EPAS1: variants seen among roughly 807,000 people sequenced by gnomAD.
EPAS1 encodes endothelial PAS domain protein 1, also known as endothelial PAS domain-containing protein 1.
A neutral mutation model predicts 87.9 loss-of-function variants in EPAS1; 23 were observed. The observed-to-expected ratio is 0.26, with a 90% confidence interval of 0.19 to 0.37. The LOEUF is 0.37. EPAS1 is among the 10% of genes least tolerant of loss of function. EPAS1 has a pLI of 1.00. For missense variants in EPAS1, 1,138 were observed against 1,120.7 expected, an observed-to-expected ratio of 1.02 and a Z score of -0.22; for synonymous variants, 508 against 444.3, an observed-to-expected ratio of 1.14 and a Z score of -1.80.
chr2:46,325,126 A>G (rs1314867380), intron 1 of EPAS1, among the ~76,000 whole-genome samples: 1 of 152,262 alleles, frequency 6.6e-6, no homozygotes, highest in African/African-American at 2.4e-5. Context: ...TTCCCTGCTT[A>G]AAAAGCATGG....
intron 12 of EPAS1, 120 bp from the exon 13 acceptor site, chr2:46,381,476 T>G: frequency 1.3e-6 from 2 of 1,516,106 alleles, no homozygotes; most frequent in Non-Finnish European, 1.8e-6. Flanking sequence ...ACTCTGCCTT[T>G]TGGGTCTTTG....
In EPAS1 at chr2:46,382,504, C is replaced by T. The variant is rs755579146; in HGVS notation, c.2367C>T (p.Ile789=). 5.6e-5 allele frequency: 91 copies of T among 1,614,086 alleles called. No homozygotes were observed. Among genetic ancestry groups the T allele is most frequent in the Non-Finnish European group, 7.4e-5 (87 of 1,180,052 alleles). ...HLPLPQPPSA[I]SPGENSKSRF... is the part of the protein sequence containing the mutation. ...CGCTGCCACAGCCTCCATCTGCCAT[C>T]AGTCCCGGGGAGAACAGCAAGAGCA... Residue 789 remains isoleucine, a synonymous_variant, in exon 15 of 16, where the codon ATC becomes ATT. Coordinates refer to ENST00000263734, the MANE Select transcript of EPAS1 (RefSeq NM_001430.5).
chr2:46,344,421 A>G (rs1005302284), intron 1 of EPAS1, among the ~76,000 whole-genome samples: 21 of 152,208 alleles, frequency 1.4e-4, no homozygotes, highest in African/African-American at 5.1e-4. Flanking sequence ...TGTGTTGATG[A>G]TGCTTTTGTT....
intron 1 of EPAS1, among the ~76,000 whole-genome samples, chr2:46,304,486 CT>C (rs1406863298): frequency 6.6e-6 from 1 of 152,140 alleles, no homozygotes; most frequent in African/African-American, 2.4e-5. Flanking sequence ...TGACAACTGC[CT>C]TTGTTGTTTT....
At chr2:46,381,845 G>C in intron 13 of EPAS1, 123 bp downstream of exon 13, 3 of 1,550,790 alleles carry the variant, frequency 1.9e-6, no homozygotes, top group Non-Finnish European at 2.6e-6. Context: ...CAGGGCTGCT[G>C]AGAGGGGTGG....
intron 4 of EPAS1, among the ~76,000 whole-genome samples, chr2:46,358,032 C>A (rs950866570): frequency 1.3e-5 from 2 of 152,214 alleles, no homozygotes; most frequent in African/African-American, 4.8e-5. Flanking sequence ...TCTTTAACAA[C>A]CTCACCTGTC....
chr2:46,322,593 C>T (rs183900385), intron 1 of EPAS1, among the ~76,000 whole-genome samples: 1 of 152,266 alleles, frequency 6.6e-6, no homozygotes, highest in East Asian at 1.9e-4. Flanking sequence ...ATCCCTGGAC[C>T]ACACTATGAG....
chr2:46,334,671 C>T (rs944615419), intron 1 of EPAS1, among the ~76,000 whole-genome samples: 1 of 152,130 alleles, frequency 6.6e-6, no homozygotes, highest in Non-Finnish European at 1.5e-5. Flanking sequence ...TGCTCACAGC[C>T]CCATCGTAGG....
At chr2:46,356,911 C>G in intron 4 of EPAS1, 103 bp downstream of exon 4, 1 of 848,184 alleles carries the variant, frequency 1.2e-6, no homozygotes, top group Non-Finnish European at 2.0e-6. Context: ...CCTTGTGATG[C>G]AGGAAAAATG....
At position 46,297,678 on chromosome 2, in the gene EPAS1, G is replaced by A. The variant is rs917234719; in HGVS notation, c.-234G>A. The A allele has an allele frequency of 7.2e-6, 4 of 557,180 alleles. No individual in the cohort carries two copies. Among genetic ancestry groups the A allele is most frequent in the African/African-American group, 6.1e-5 (3 of 49,472 alleles). 34.5% of individuals were successfully genotyped at this position (557,180 alleles called of 1,614,324 possible). On this transcript the variant is annotated 5_prime_UTR_variant, in exon 1 of 16. Transcript: ENST00000263734. ...GACAGCCTCCACCCACTCCTTCCCC[G>A]GACCCCGCCTCCGCGCGCAGGTTCC... is the stretch of plus-strand genomic sequence containing the variant.
intron 2 of EPAS1, among the ~76,000 whole-genome samples, chr2:46,355,466 A>G (rs1179800899): frequency 6.6e-6 from 1 of 152,170 alleles, no homozygotes; most frequent in East Asian, 1.9e-4. Context: ...CCTTTGGACA[A>G]ATGGCTTAAC....
At chr2:46,312,918 A>G (rs1433287770) in intron 1 of EPAS1, among the ~76,000 whole-genome samples, 3 of 152,082 alleles carry the variant, frequency 2.0e-5, no homozygotes, top group Non-Finnish European at 4.4e-5. Flanking sequence ...GAGAATGGGA[A>G]TATCCCTTCA....
rs1684962208 is a variant in EPAS1, at chr2:46,384,330, C to CTGACCCACTGG, written c.2462-179_2462-178insTGACCCACTGG. On this transcript the variant is annotated intron_variant, in intron 15 of 15. Coordinates refer to ENST00000263734, the MANE Select transcript of EPAS1 (RefSeq NM_001430.5). ...TTGGGTCTCAGCACCCCACCTGAGG[C>CTGACCCACTGG]AGTGGTTCTGGAGGCAGACACGTTC... 4 of 855,504 alleles carry CTGACCCACTGG rather than the reference C, an allele frequency of 4.7e-6. No homozygotes were observed. In the South Asian group the frequency reaches 5.6e-5, roughly 12 times the overall value. 53.0% of individuals were successfully genotyped at this position (855,504 alleles called of 1,614,324 possible).
chr2:46,351,508 C>T (rs376520485), intron 2 of EPAS1, among the ~76,000 whole-genome samples: 3 of 152,114 alleles, frequency 2.0e-5, no homozygotes, highest in Admixed American at 6.6e-5. Context: ...TAAGCGATCC[C>T]AGAGTGATTT....
intron 1 of EPAS1, among the ~76,000 whole-genome samples, chr2:46,319,712 G>A (rs928461126): frequency 1.3e-5 from 2 of 152,062 alleles, no homozygotes; most frequent in African/African-American, 2.4e-5. Flanking sequence ...AGGTGCCTGC[G>A]GTATTTGCTT....
intron 1 of EPAS1, among the ~76,000 whole-genome samples, chr2:46,314,032 A>G (rs376705758): frequency 3.9e-5 from 6 of 152,132 alleles, no homozygotes; most frequent in African/African-American, 1.4e-4. Flanking sequence ...TTTTTGTCAT[A>G]TAGATGAAAC....
chr2:46,338,272 A>G (rs1473310799), intron 1 of EPAS1, among the ~76,000 whole-genome samples: 1 of 152,210 alleles, frequency 6.6e-6, no homozygotes, highest in African/African-American at 2.4e-5. Flanking sequence ...AGATTGATTC[A>G]GGATTAAACA....
rs200557291 is a variant in EPAS1, at chr2:46,332,330, G to GTA, written c.27-14542_27-14541insAT. On this transcript the variant is annotated intron_variant, in intron 1 of 15. Coordinates refer to ENST00000263734, the MANE Select transcript of EPAS1 (RefSeq NM_001430.5). ...TGTGTGTGTGTGTGTGTGTGTGTGT[G>GTA]TGTATCAACTTGTTTTCTCTTTGGC... is the stretch of plus-strand genomic sequence containing the variant. Among the ~76,000 whole-genome samples, 336 of 135,898 alleles carry GTA rather than the reference G, an allele frequency of 2.5e-3. 1 individual carries two copies. The highest frequency in any genetic ancestry group is 7.5e-3 in the African/African-American group (252 of 33,720). 89.2% of individuals were successfully genotyped at this position (135,898 alleles called of 152,430 possible).
chr2:46,331,519 G>C (rs982268489), intron 1 of EPAS1, among the ~76,000 whole-genome samples: 2 of 152,216 alleles, frequency 1.3e-5, no homozygotes, highest in African/African-American at 2.4e-5. Context: ...TCCTCTAGGT[G>C]GCATAGAGTT....
Sources: gnomAD v4.1 joint callset for allele counts (sites outside exome capture counted in the v4.1 genomes callset) on GRCh38, gnomAD v4.1.1 for gene constraint, MANE v1.5 for transcripts, NCBI Gene and HGNC (gene_info 2026-07-23, HGNC 2026-07-21) for gene names.